Variants in SLC8A1 observed in about 807,000 individuals in gnomAD.
SLC8A1 encodes the protein solute carrier family 8 member A1.
SLC8A1 carries 18 observed loss-of-function variants against 68.3 expected under a neutral mutation model. That is an observed-to-expected ratio of 0.26 (90% CI 0.18 to 0.39). The LOEUF (loss-of-function observed/expected upper bound fraction) is 0.39. SLC8A1 is among the 10% of genes least tolerant of loss of function. SLC8A1 has a pLI of 1.00. For missense variants in SLC8A1, 985 were observed against 1,156.7 expected, an observed-to-expected ratio of 0.85 and a Z score of 2.15; for synonymous variants, 475 against 415.5, an observed-to-expected ratio of 1.14 and a Z score of -1.74.
At chr2:40,420,698 C>A (rs1332859710) in intron 2 of SLC8A1, among the ~76,000 whole-genome samples, 1 of 152,120 alleles carries the variant, frequency 6.6e-6, no homozygotes, top group Non-Finnish European at 1.5e-5. Context: ...GTTCTAGAAT[C>A]CCAGAAAAGA....
At chr2:40,478,348 T>A (rs769859485) in intron 1 of SLC8A1, among the ~76,000 whole-genome samples, 7 of 152,228 alleles carry the variant, frequency 4.6e-5, no homozygotes, top group Non-Finnish European at 8.8e-5. Context: ...AGCAGAGTAT[T>A]GGGCTGAACC....
At chr2:40,472,892 T>C (rs926305876) in intron 1 of SLC8A1, among the ~76,000 whole-genome samples, 4 of 152,178 alleles carry the variant, frequency 2.6e-5, no homozygotes, top group Admixed American at 6.5e-5. Context: ...CTGACTGTTA[T>C]TGTGGAGCTC....
intron 2 of SLC8A1, among the ~76,000 whole-genome samples, chr2:40,240,490 C>CA (rs1333998832): frequency 2.0e-5 from 3 of 152,154 alleles, no homozygotes; most frequent in Non-Finnish European, 2.9e-5. Context: ...AAGCAAACCC[C>CA]ACTGTAGTAT....
chr2:40,137,526 C>T (rs1018779248), intron 7 of SLC8A1, among the ~76,000 whole-genome samples: 2 of 152,094 alleles, frequency 1.3e-5, no homozygotes, highest in African/African-American at 4.8e-5. Context: ...AAGTGGACTC[C>T]AACATATTTT....
intron 2 of SLC8A1, among the ~76,000 whole-genome samples, chr2:40,298,262 C>A (rs927997692): frequency 2.0e-5 from 3 of 152,150 alleles, no homozygotes; most frequent in Non-Finnish European, 2.9e-5. Flanking sequence ...GCACACATAT[C>A]AAACACAAAT....
At chr2:40,223,049 C>G (rs2058540415) in intron 2 of SLC8A1, among the ~76,000 whole-genome samples, 1 of 152,166 alleles carries the variant, frequency 6.6e-6, no homozygotes, top group Non-Finnish European at 1.5e-5. Context: ...AATCATGCTA[C>G]TAGAAAGACA....
At chr2:40,334,203 A>G (rs80205826) in intron 2 of SLC8A1, among the ~76,000 whole-genome samples, 1,878 of 152,332 alleles carry the variant, frequency 0.012, 32 homozygotes, top group African/African-American at 0.042. Flanking sequence ...AGTAAATAAA[A>G]TGAGGTTTAG....
At chr2:40,173,134 T>C (rs1220721679) in intron 4 of SLC8A1, among the ~76,000 whole-genome samples, 1 of 152,138 alleles carries the variant, frequency 6.6e-6, no homozygotes, top group Non-Finnish European at 1.5e-5. Context: ...AAAACATTAT[T>C]ACTTCAATTC....
chr2:40,362,696 A>G (rs970532689), intron 2 of SLC8A1, among the ~76,000 whole-genome samples: 3 of 152,180 alleles, frequency 2.0e-5, no homozygotes, highest in African/African-American at 7.2e-5. Flanking sequence ...TTGGGAATAA[A>G]TTTTGGTAAG....
intron 2 of SLC8A1, among the ~76,000 whole-genome samples, chr2:40,219,278 G>A (rs1412458173): frequency 6.6e-6 from 1 of 152,160 alleles, no homozygotes; most frequent in Non-Finnish European, 1.5e-5. Flanking sequence ...GACCTTGGAG[G>A]CTTTTTACAT....
At chr2:40,489,444 T>A (rs978226722) in intron 1 of SLC8A1, among the ~76,000 whole-genome samples, 1 of 151,982 alleles carries the variant, frequency 6.6e-6, no homozygotes, top group Non-Finnish European at 1.5e-5. Context: ...AGAAAGGAAC[T>A]TTTCTTCCCA....
At chr2:40,481,870 C>T (rs932896300) in intron 1 of SLC8A1, among the ~76,000 whole-genome samples, 17 of 152,010 alleles carry the variant, frequency 1.1e-4, no homozygotes, top group Non-Finnish European at 2.5e-4. Flanking sequence ...CTTCTATACC[C>T]TTTTAGTTGG....
intron 2 of SLC8A1, among the ~76,000 whole-genome samples, chr2:40,405,158 T>G: frequency 6.6e-6 from 1 of 152,166 alleles, no homozygotes; most frequent in African/African-American, 2.4e-5. Flanking sequence ...AACATACTTC[T>G]TAATTCCCAT....
chr2:40,164,916 G>A (rs1246600746), exon 5 of SLC8A1: 5 of 1,613,778 alleles, frequency 3.1e-6, no homozygotes, highest in Middle Eastern at 1.6e-4. Flanking sequence ...AGGATGGGGC[G>A]CCCCATTTCT....
At chr2:40,188,160 A>T (rs1033158159) in intron 2 of SLC8A1, among the ~76,000 whole-genome samples, 2 of 152,220 alleles carry the variant, frequency 1.3e-5, no homozygotes, top group African/African-American at 2.4e-5. Flanking sequence ...GGTCACATTT[A>T]ACAAAACGAT....
chr2:40,290,942 G>T (rs2069195770), intron 2 of SLC8A1, among the ~76,000 whole-genome samples: 1 of 152,152 alleles, frequency 6.6e-6, no homozygotes, highest in South Asian at 2.1e-4. Context: ...TGATGAAAAG[G>T]TTTATGCCTA....
At chr2:40,256,262 G>A (rs979119307) in intron 2 of SLC8A1, among the ~76,000 whole-genome samples, 3 of 152,188 alleles carry the variant, frequency 2.0e-5, no homozygotes, top group Non-Finnish European at 4.4e-5. Flanking sequence ...GTGGAAGAGG[G>A]TAGGAGAGGT....
chr2:40,269,350 A>C (rs2065741425), intron 2 of SLC8A1, among the ~76,000 whole-genome samples: 1 of 152,240 alleles, frequency 6.6e-6, no homozygotes, highest in Non-Finnish European at 1.5e-5. Flanking sequence ...ACTGCTTATT[A>C]GAAATAAAAC....
intron 2 of SLC8A1, among the ~76,000 whole-genome samples, chr2:40,422,982 G>C (rs976592900): frequency 1.3e-5 from 2 of 152,060 alleles, no homozygotes; most frequent in Non-Finnish European, 2.9e-5. Context: ...AAAAGCATTT[G>C]AGAACGGGAA....
Sources: gnomAD v4.1 joint callset for allele counts (sites outside exome capture counted in the v4.1 genomes callset) on GRCh38, gnomAD v4.1.1 for gene constraint, MANE v1.5 for transcripts, NCBI Gene and HGNC (gene_info 2026-07-23, HGNC 2026-07-21) for gene names.